The following ACBD5 variants were observed in gnomAD, a reference collection of about 807,000 sequenced individuals.
ACBD5 encodes the protein acyl-CoA-binding domain-containing protein 5.
A neutral mutation model predicts 71.8 loss-of-function variants in ACBD5; 40 were observed. The ratio of observed to expected loss-of-function variants is 0.56; its 90% CI spans 0.43 to 0.72. The LOEUF is 0.72. ACBD5 is among the 30% of genes least tolerant of loss of function. The probability of loss-of-function intolerance (pLI) is 0.00; values close to 1 mark genes in which losing one functional copy is unlikely to be tolerated. For synonymous variants in ACBD5, 229 were observed against 218.6 expected, an observed-to-expected ratio of 1.05 and a Z score of -0.42; for missense variants, 559 against 644.5, an observed-to-expected ratio of 0.87 and a Z score of 1.44.
chr10:27,208,863 G>A (rs1355296277), intron 9 of ACBD5, among the ~76,000 whole-genome samples: 1 of 152,008 alleles, frequency 6.6e-6, no homozygotes, highest in Non-Finnish European at 1.5e-5. Context: ...AACTTCCAAC[G>A]TGGAGTAGAA....
rs1390440263 is a variant in ACBD5 at position 27,205,211 on chromosome 10, T to C, written c.1442A>G (p.Gln481Arg). ...SSTSTLQTAP[Q>R]PTSQRPSWWP... ...AAAATGTCTTACCTGTGAGGTGGGC[T>C]GAGGAGCAGTCTGCAATGTTGATGT... Residue 481 changes from glutamine to arginine, a missense_variant, in exon 11 of 13, where the codon CAG (glutamine) becomes CGG (arginine). Physicochemically the swap from Gln to Arg is conservative, Grantham distance 43. Coordinates refer to ENST00000396271, the MANE Select transcript of ACBD5 (RefSeq NM_145698.5). 2 of 1,613,256 alleles carry C rather than the reference T, an allele frequency of 1.2e-6. No individual in the cohort carries two copies. The highest frequency in any genetic ancestry group is 1.7e-6 in the Non-Finnish European group (2 of 1,179,710).
intron 4 of ACBD5, among the ~76,000 whole-genome samples, chr10:27,223,842 C>G (rs1376548012): frequency 6.6e-6 from 1 of 151,594 alleles, no homozygotes; most frequent in Admixed American, 6.6e-5. Context: ...CCTGGGAGGT[C>G]GAGGCTACAG....
downstream of ACBD5, among the ~76,000 whole-genome samples, chr10:27,192,777 C>T (rs2059130621): frequency 6.6e-6 from 1 of 152,070 alleles, no homozygotes; most frequent in African/African-American, 2.4e-5. Flanking sequence ...CAAGACCAGC[C>T]TGGCCAATAT....
chr10:27,226,442 TACAG>T (rs10573892), intron 4 of ACBD5, among the ~76,000 whole-genome samples: 2,806 of 116,034 alleles, frequency 0.024, 80 homozygotes, highest in East Asian at 0.12. Flanking sequence ...ACACATGAGA[TACAG>T]ACTACACACA....
chr10:27,208,488 A>G, intron 9 of ACBD5, 43 bp from the exon 10 acceptor site: 1 of 1,592,992 alleles, frequency 6.3e-7, no homozygotes. Context: ...AATAATTCTT[A>G]TACAAGTAAA....
intron 3 of ACBD5, among the ~76,000 whole-genome samples, chr10:27,234,193 T>C (rs1230593456): frequency 6.6e-6 from 1 of 152,244 alleles, no homozygotes; most frequent in East Asian, 1.9e-4. Context: ...ACAGCACGGA[T>C]GAGTACAGGT....
intron 2 of ACBD5, among the ~76,000 whole-genome samples, chr10:27,238,961 G>A (rs1044115372): frequency 5.9e-5 from 9 of 152,162 alleles, no homozygotes; most frequent in Non-Finnish European, 1.0e-4. Context: ...ACTTTGGGTG[G>A]CCCAGGAGGG....
At chr10:27,203,708 C>T (rs2060173658) in intron 12 of ACBD5, among the ~76,000 whole-genome samples, 2 of 151,928 alleles carry the variant, frequency 1.3e-5, no homozygotes, top group African/African-American at 4.8e-5. Context: ...CACTGCACCC[C>T]AGCCTGGGCA....
chr10:27,240,069 C>G lies in ACBD5; in HGVS notation c.181+250G>C, dbSNP rs191666353. Reference sequence around the variant, plus strand: ...GGCCCGGATTTATTTTTTAACACACCCAAATCCGCAGTCATTAAGTGACAA... The same window carrying G: ...GGCCCGGATTTATTTTTTAACACACGCAAATCCGCAGTCATTAAGTGACAA... On this transcript the variant is annotated intron_variant, in intron 2 of 12. Transcript: ENST00000396271. The surrounding 1 kb of genome is among the most constrained non-coding windows in gnomAD (Gnocchi z 4.1). Among the ~76,000 whole-genome samples the G allele has an allele frequency of 1.3e-5, 2 of 152,050 alleles. No individual in the cohort carries two copies. Among genetic ancestry groups the G allele is most frequent in the Non-Finnish European group, 2.9e-5 (2 of 67,990 alleles).
At chr10:27,213,792 A>G (rs2061355050) in intron 8 of ACBD5, among the ~76,000 whole-genome samples, 3 of 152,012 alleles carry the variant, frequency 2.0e-5, no homozygotes, top group South Asian at 2.1e-4. Context: ...TAGAGTTACC[A>G]TATGACCAGC....
intron 13 of ACBD5, among the ~76,000 whole-genome samples, chr10:27,189,990 T>A (rs2059012595): frequency 1.3e-5 from 2 of 152,028 alleles, no homozygotes; most frequent in Non-Finnish European, 2.9e-5. Context: ...AATAAAATAA[T>A]AATTGTTTTT....
At chr10:27,186,375 T>C (rs369202273) in intron 13 of ACBD5, 8 of 1,613,846 alleles carry the variant, frequency 5.0e-6, no homozygotes, top group Non-Finnish European at 6.8e-6. Context: ...ATATTTTTCC[T>C]AAGAGCTAAA....
chr10:27,217,273 T>G (rs561935231), intron 7 of ACBD5, among the ~76,000 whole-genome samples: 2 of 146,566 alleles, frequency 1.4e-5, no homozygotes, highest in African/African-American at 2.5e-5. Context: ...CTGGCCAACA[T>G]GGTGAAACCC....
chr10:27,205,345 G>GT (rs370688833), intron 10 of ACBD5, 97 bp from the exon 11 acceptor site: 170 of 1,210,866 alleles, frequency 1.4e-4, no homozygotes, highest in East Asian at 1.8e-4. Flanking sequence ...AAATATTGAG[G>GT]TTTTTTTTGG....
At chr10:27,186,607 C>G (rs2058767804) in intron 13 of ACBD5, 1 of 1,267,352 alleles carries the variant, frequency 7.9e-7, no homozygotes, top group Non-Finnish European at 1.2e-6. Context: ...CTCCTTAATA[C>G]TAGATTGATC....
At chr10:27,224,028 G>T (rs538588319) in intron 4 of ACBD5, among the ~76,000 whole-genome samples, 1 of 151,944 alleles carries the variant, frequency 6.6e-6, no homozygotes, top group Non-Finnish European at 1.5e-5. Flanking sequence ...TTTTACATGA[G>T]CTTCATGTAA....
intron 6 of ACBD5, among the ~76,000 whole-genome samples, chr10:27,218,712 A>G (rs1220030137): frequency 6.6e-6 from 1 of 151,758 alleles, no homozygotes; most frequent in African/African-American, 2.4e-5. Flanking sequence ...CAGCCTCCCA[A>G]GTAGCTGGGA....
In ACBD5 at chr10:27,240,638, A is replaced by G; in HGVS notation, c.15+36T>C. 1 of 1,551,018 alleles carries G rather than the reference A, an allele frequency of 6.4e-7. No individual in the cohort carries two copies. Among genetic ancestry groups the G allele is most frequent in the Non-Finnish European group, 8.7e-7 (1 of 1,146,932 alleles). On this transcript the variant is annotated intron_variant, in intron 1 of 12. Coordinates refer to ENST00000396271, the MANE Select transcript of ACBD5 (RefSeq NM_145698.5). The surrounding 1 kb of genome is among the most constrained non-coding windows in gnomAD (Gnocchi z 4.1). ...CCTCCCCCGGGGCGTGACTAAGGCC[A>G]CGAATCCGGCCCGCGACGACAGCAA...
intron 10 of ACBD5, 71 bp from the exon 11 acceptor site, chr10:27,205,319 T>C: frequency 6.7e-7 from 1 of 1,499,128 alleles, no homozygotes; most frequent in East Asian, 2.3e-5. Context: ...ATTTCCTATC[T>C]TTTTTTAAAA....
Sources: gnomAD v4.1 joint callset for allele counts (sites outside exome capture counted in the v4.1 genomes callset) on GRCh38, gnomAD v4.1.1 for gene constraint, Gnocchi (gnomAD v3.1) non-coding constraint, MANE v1.5 for transcripts, NCBI Gene and HGNC (gene_info 2026-07-23, HGNC 2026-07-21) for gene names.